LYPD6B: variants seen among roughly 807,000 people sequenced by gnomAD.
LYPD6B encodes LY6/PLAUR domain containing 6B.
LYPD6B carries 17 observed loss-of-function variants against 22.8 expected under a neutral mutation model. That is an observed-to-expected ratio of 0.75 (90% CI 0.51 to 1.12). The LOEUF (loss-of-function observed/expected upper bound fraction) is 1.12, where lower values mean the gene tolerates loss of function less well. Ranked by LOEUF, LYPD6B falls within the 50% of genes most tolerant of loss-of-function variation. The probability of loss-of-function intolerance (pLI) is 0.00; values close to 1 mark genes in which losing one functional copy is unlikely to be tolerated. For synonymous variants in LYPD6B, 106 were observed against 91.6 expected (o/e 1.16, Z -0.90); for missense variants, 221 against 258.3 (o/e 0.86, Z 0.99).
intron 1 of LYPD6B, among the ~76,000 whole-genome samples, chr2:149,086,780 G>A (rs547270514): frequency 1.6e-4 from 24 of 152,250 alleles, no homozygotes; most frequent in Admixed American, 8.5e-4. Flanking sequence ...GGTTTCCTCT[G>A]AGGGCTGTGA....
chr2:149,161,429 AT>A (rs1374620907), intron 3 of LYPD6B: 1 of 153,388 alleles, frequency 6.5e-6, no homozygotes, highest in African/African-American at 2.4e-5. Flanking sequence ...TACTTGATGC[AT>A]TTTGTCTTTT....
At chr2:149,100,849 G>A (rs912322441) in intron 1 of LYPD6B, among the ~76,000 whole-genome samples, 11 of 152,184 alleles carry the variant, frequency 7.2e-5, no homozygotes, top group African/African-American at 2.7e-4. Flanking sequence ...AATTCAAAGT[G>A]TAAGAAGCAA....
chr2:149,081,488 T>C (rs898533242), intron 1 of LYPD6B, among the ~76,000 whole-genome samples: 2 of 152,244 alleles, frequency 1.3e-5, no homozygotes, highest in Admixed American at 6.5e-5. Flanking sequence ...ATATTTAATG[T>C]AAAGCTCGTT....
intron 1 of LYPD6B, among the ~76,000 whole-genome samples, chr2:149,106,316 TC>T (rs1311815884): frequency 6.6e-6 from 1 of 152,192 alleles, no homozygotes; most frequent in Non-Finnish European, 1.5e-5. Context: ...TAAGTATTTC[TC>T]CATTTTAATT....
chr2:149,185,200 A>AT (rs1436114047), intron 3 of LYPD6B, among the ~76,000 whole-genome samples: 1 of 152,176 alleles, frequency 6.6e-6, no homozygotes, highest in Non-Finnish European at 1.5e-5. Context: ...TAAAGGCAAG[A>AT]TTTTTTTCAG....
chr2:149,146,608 C>T (rs1288694601), intron 2 of LYPD6B, among the ~76,000 whole-genome samples: 1 of 152,048 alleles, frequency 6.6e-6, no homozygotes, highest in East Asian at 1.9e-4. Flanking sequence ...GGTTAGGGGT[C>T]ATTTGGGAAG....
At chr2:149,077,376 T>C (rs887812576) in intron 1 of LYPD6B, 4 of 152,360 alleles carry the variant, frequency 2.6e-5, no homozygotes, top group East Asian at 3.9e-4. Flanking sequence ...CTGGACATGA[T>C]TGATTAACTC....
intron 3 of LYPD6B, among the ~76,000 whole-genome samples, chr2:149,203,866 T>A (rs1693329150): frequency 6.6e-6 from 1 of 152,198 alleles, no homozygotes; most frequent in Admixed American, 6.5e-5. Flanking sequence ...TGGGAAGGCC[T>A]TATTAGTGAC....
At chr2:149,067,199 G>A (rs545048194) in intron 1 of LYPD6B, among the ~76,000 whole-genome samples, 149 of 152,188 alleles carry the variant, frequency 9.8e-4, no homozygotes, top group Middle Eastern at 3.4e-3. Context: ...CACTCTGCAG[G>A]TGGTTCTTAT....
At chr2:149,106,403 C>T (rs1686474451) in intron 1 of LYPD6B, among the ~76,000 whole-genome samples, 1 of 152,092 alleles carries the variant, frequency 6.6e-6, no homozygotes, top group Non-Finnish European at 1.5e-5. Context: ...ACATCTTGGT[C>T]TGGTGTTTTC....
At chr2:149,140,376 G>A (rs981539682) in intron 2 of LYPD6B, among the ~76,000 whole-genome samples, 2 of 152,214 alleles carry the variant, frequency 1.3e-5, no homozygotes, top group African/African-American at 4.8e-5. Context: ...CTGGGAAGTG[G>A]CAGGGCGAGG....
At chr2:149,206,437 C>T (rs1348874141) in intron 4 of LYPD6B, among the ~76,000 whole-genome samples, 1 of 152,092 alleles carries the variant, frequency 6.6e-6, no homozygotes, top group African/African-American at 2.4e-5. Context: ...ATATACTACA[C>T]ATACACACCT....
intron 2 of LYPD6B, among the ~76,000 whole-genome samples, chr2:149,136,490 C>T (rs1369440445): frequency 6.6e-6 from 1 of 152,218 alleles, no homozygotes; most frequent in Admixed American, 6.5e-5. Context: ...GGCAGTGGGT[C>T]ACCAGCCATC....
At chr2:149,079,832 G>T (rs975348947) in intron 1 of LYPD6B, among the ~76,000 whole-genome samples, 16 of 152,134 alleles carry the variant, frequency 1.1e-4, no homozygotes, top group South Asian at 2.1e-4. Flanking sequence ...ACCCAGAGGG[G>T]TTAGCAGACC....
chr2:149,168,211 C>CAAAAAA, intron 3 of LYPD6B, among the ~76,000 whole-genome samples: 1 of 48,480 alleles, frequency 2.1e-5, no homozygotes, highest in Non-Finnish European at 4.1e-5. Flanking sequence ...GGCTCTGTCT[C>CAAAAAA]AAAAAAAAAA....
chr2:149,046,965 A>G (rs1312939401), intron 1 of LYPD6B, among the ~76,000 whole-genome samples: 17 of 152,202 alleles, frequency 1.1e-4, no homozygotes, highest in Admixed American at 1.1e-3. Flanking sequence ...TTCTTAAACA[A>G]TTCTTTACAA....
intron 1 of LYPD6B, among the ~76,000 whole-genome samples, chr2:149,066,007 C>A (rs1362623170): frequency 6.6e-6 from 1 of 152,078 alleles, no homozygotes; most frequent in Admixed American, 6.6e-5. Flanking sequence ...CTACCGCACT[C>A]GGCCCTAATA....
At chr2:149,134,139 A>T (rs11674092) in intron 2 of LYPD6B, among the ~76,000 whole-genome samples, 11,458 of 152,090 alleles carry the variant, frequency 0.075, 535 homozygotes, top group Middle Eastern at 0.18. Flanking sequence ...TGAAGAAAGG[A>T]GAGAGAGAGA....
At chr2:149,181,584 C>A (rs1691726024) in intron 3 of LYPD6B, among the ~76,000 whole-genome samples, 2 of 152,222 alleles carry the variant, frequency 1.3e-5, no homozygotes, top group South Asian at 2.1e-4. Context: ...CTTCCTTAAA[C>A]TTTGCATTGA....
Sources: gnomAD v4.1 joint callset for allele counts (sites outside exome capture counted in the v4.1 genomes callset) on GRCh38, gnomAD v4.1.1 for gene constraint, MANE v1.5 for transcripts, NCBI Gene and HGNC (gene_info 2026-07-23, HGNC 2026-07-21) for gene names.